Variants in NRXN3 observed in about 807,000 individuals in gnomAD.
NRXN3 encodes the protein neurexin III.
NRXN3 carries 32 observed loss-of-function variants against 137.6 expected under a neutral mutation model. That is an observed-to-expected ratio of 0.23 (90% CI 0.18 to 0.31). The LOEUF (loss-of-function observed/expected upper bound fraction) is 0.31, where lower values mean the gene tolerates loss of function less well. Ranked by LOEUF, NRXN3 falls within the 10% of genes least tolerant of loss-of-function variation. The pLI, the probability that NRXN3 is intolerant of heterozygous loss-of-function variation, is 1.00. For synonymous variants in NRXN3, 798 were observed against 784.5 expected (o/e 1.02, Z -0.29); for missense variants, 1,574 against 2,062.5 (o/e 0.76, Z 4.59).
chr14:78,489,482 G>A (rs764088114), intron 4 of NRXN3, among the ~76,000 whole-genome samples: 1 of 152,026 alleles, frequency 6.6e-6, no homozygotes, highest in Non-Finnish European at 1.5e-5. Flanking sequence ...AGCTAGGGAC[G>A]CACACACAGA....
chr14:79,112,865 G>C (rs929192498), intron 15 of NRXN3, among the ~76,000 whole-genome samples: 4 of 152,192 alleles, frequency 2.6e-5, no homozygotes, highest in Non-Finnish European at 5.9e-5. Context: ...CAAATGAAGT[G>C]AGTACCTCTT....
chr14:78,415,676 G>A (rs1053031358), intron 4 of NRXN3, among the ~76,000 whole-genome samples: 1 of 152,124 alleles, frequency 6.6e-6, no homozygotes, highest in African/African-American at 2.4e-5. Context: ...CCTTGAAATT[G>A]CTATGTCGAA....
chr14:78,424,784 A>G (rs546319084), intron 4 of NRXN3, among the ~76,000 whole-genome samples: 1 of 152,332 alleles, frequency 6.6e-6, no homozygotes, highest in Non-Finnish European at 1.5e-5. Flanking sequence ...CCTTCCAACA[A>G]CAAAATGAGG....
At chr14:79,728,553 G>T (rs894817301) in intron 19 of NRXN3, among the ~76,000 whole-genome samples, 4 of 152,232 alleles carry the variant, frequency 2.6e-5, no homozygotes, top group African/African-American at 9.6e-5. Flanking sequence ...GACTTTGAAG[G>T]CAAGAAGAGA....
intron 4 of NRXN3, among the ~76,000 whole-genome samples, chr14:78,488,942 G>A (rs2095615167): frequency 6.6e-6 from 1 of 152,096 alleles, no homozygotes; most frequent in Non-Finnish European, 1.5e-5. Flanking sequence ...AGTGTAGGTA[G>A]CACTTACCAT....
At chr14:79,177,350 G>A (rs1397613463) in intron 15 of NRXN3, among the ~76,000 whole-genome samples, 2 of 152,158 alleles carry the variant, frequency 1.3e-5, no homozygotes, top group Non-Finnish European at 1.5e-5. Flanking sequence ...AAGTTTTTCA[G>A]AAGTGTGAAA....
intron 1 of NRXN3, among the ~76,000 whole-genome samples, chr14:78,234,848 C>T (rs2065961316): frequency 6.6e-6 from 1 of 151,566 alleles, no homozygotes; most frequent in Non-Finnish European, 1.5e-5. Context: ...TTCAGCTTAC[C>T]TACACCTTTC....
chr14:78,902,360 G>T (rs981860082), intron 10 of NRXN3, among the ~76,000 whole-genome samples: 2 of 151,976 alleles, frequency 1.3e-5, no homozygotes, highest in African/African-American at 4.8e-5. Context: ...TTATGTATTT[G>T]TTTTTCATAT....
intron 4 of NRXN3, among the ~76,000 whole-genome samples, chr14:78,405,175 A>G (rs945344380): frequency 1.3e-5 from 2 of 152,162 alleles, no homozygotes; most frequent in African/African-American, 4.8e-5. Context: ...GCTTGATGCT[A>G]CAAACCTAGA....
At chr14:79,039,602 C>T (rs1179484285) in intron 15 of NRXN3, among the ~76,000 whole-genome samples, 2 of 152,136 alleles carry the variant, frequency 1.3e-5, no homozygotes, top group Non-Finnish European at 2.9e-5. Flanking sequence ...CCTCTCCAGG[C>T]TAATGTCTCA....
chr14:79,171,915 A>G (rs896967787), intron 15 of NRXN3, among the ~76,000 whole-genome samples: 15 of 152,058 alleles, frequency 9.9e-5, no homozygotes, highest in African/African-American at 3.1e-4. Flanking sequence ...TTTCAAGAGT[A>G]AAAGGAAAGT....
In NRXN3 at chr14:78,682,323, G is replaced by A. The variant is rs1381621227; in HGVS notation, c.1222-26894G>A. ...CATGGATTAAGACTGTCAGCATCAC[G>A]AAGTATCAGCAGTAGGATGTTTGGT... On this transcript the variant is annotated intron_variant, in intron 6 of 20. Coordinates refer to ENST00000335750, the MANE Select transcript of NRXN3 (RefSeq NM_001330195.2). 5.3e-5 allele frequency among the ~76,000 whole-genome samples: 8 copies of A among 151,786 alleles called. 1 individual carries two copies. The South Asian group carries it at 1.5e-3, about 28-fold the overall frequency.
intron 4 of NRXN3, among the ~76,000 whole-genome samples, chr14:78,626,248 G>A (rs1005426454): frequency 5.3e-5 from 8 of 152,118 alleles, no homozygotes; most frequent in Admixed American, 1.3e-4. Flanking sequence ...ACTACAGTGC[G>A]CAGCTCTCAT....
chr14:79,598,383 C>T (rs989066062), intron 16 of NRXN3, among the ~76,000 whole-genome samples: 2 of 152,138 alleles, frequency 1.3e-5, no homozygotes, highest in African/African-American at 2.4e-5. Flanking sequence ...ACATTCCTGA[C>T]AGAAGATAAC....
intron 15 of NRXN3, among the ~76,000 whole-genome samples, chr14:79,254,512 A>G (rs1159428886): frequency 6.6e-6 from 1 of 152,086 alleles, no homozygotes; most frequent in Non-Finnish European, 1.5e-5. Context: ...AAAATGGGAG[A>G]CATTGTATTT....
intron 4 of NRXN3, among the ~76,000 whole-genome samples, chr14:78,410,406 A>G (rs892904341): frequency 2.5e-4 from 38 of 152,324 alleles, no homozygotes; most frequent in South Asian, 1.4e-3. Context: ...TGTCTGCTCT[A>G]TGCTCAGGAG....
intron 16 of NRXN3, among the ~76,000 whole-genome samples, chr14:79,656,416 G>A (rs918479187): frequency 6.6e-6 from 1 of 152,184 alleles, no homozygotes; most frequent in Non-Finnish European, 1.5e-5. Flanking sequence ...ATTGGGGTCT[G>A]TGAATGAGAA....
chr14:78,300,502 G>A (rs538390792), intron 4 of NRXN3, among the ~76,000 whole-genome samples: 18 of 152,320 alleles, frequency 1.2e-4, no homozygotes, highest in African/African-American at 4.1e-4. Context: ...GCCTCCTTAG[G>A]ATGTTGCAAT....
At chr14:78,605,501 T>A (rs975181762) in intron 4 of NRXN3, among the ~76,000 whole-genome samples, 5 of 152,164 alleles carry the variant, frequency 3.3e-5, no homozygotes, top group African/African-American at 1.2e-4. Flanking sequence ...AATTTGACAT[T>A]CAGGTCAGAT....
Sources: gnomAD v4.1 joint callset for allele counts (sites outside exome capture counted in the v4.1 genomes callset) on GRCh38, gnomAD v4.1.1 for gene constraint, MANE v1.5 for transcripts, NCBI Gene and HGNC (gene_info 2026-07-23, HGNC 2026-07-21) for gene names.